Variants in ASTN2 observed in about 807,000 individuals in gnomAD.
ASTN2 encodes the protein astrotactin-2.
A neutral mutation model predicts 139.8 loss-of-function variants in ASTN2; 54 were observed. That is an observed-to-expected ratio of 0.39 (90% CI 0.31 to 0.48). The LOEUF (loss-of-function observed/expected upper bound fraction) is 0.48. ASTN2 is among the 20% of genes least tolerant of loss of function. ASTN2 has a pLI of 0.95. For missense variants in ASTN2, 1,565 were observed against 1,725.1 expected, an observed-to-expected ratio of 0.91 and a Z score of 1.64; for synonymous variants, 756 against 719.5, an observed-to-expected ratio of 1.05 and a Z score of -0.81.
In ASTN2 at chr9:117,120,018, G is replaced by GTGTGTA. The variant is rs1306397698; in HGVS notation, c.1168+21307_1168+21308insTACACA. ...TGTGTGTGTGTGTGTGTGTGTGTGT[G>GTGTGTA]TATATATATATATATATATATATAT... On this transcript the variant is annotated intron_variant, in intron 4 of 22. Transcript: ENST00000313400. Among the ~76,000 whole-genome samples the GTGTGTA allele has an allele frequency of 8.4e-3, 386 of 45,924 alleles. 3 individuals carry two copies. The highest frequency in any genetic ancestry group is 0.02 in the Middle Eastern group (1 of 50). 30.1% of individuals were successfully genotyped at this position (45,924 alleles called of 152,430 possible).
At chr9:116,519,645 G>T (rs2119226061) in intron 19 of ASTN2, among the ~76,000 whole-genome samples, 1 of 151,964 alleles carries the variant, frequency 6.6e-6, no homozygotes, top group South Asian at 2.1e-4. Context: ...CAGAAGAAAA[G>T]AAATAACGAA....
intron 19 of ASTN2, among the ~76,000 whole-genome samples, chr9:116,529,936 G>A (rs1164802625): frequency 1.3e-5 from 2 of 151,514 alleles, no homozygotes; most frequent in Admixed American, 1.3e-4. Flanking sequence ...GTTCTTTATA[G>A]CAGTGTGTAA....
intron 10 of ASTN2, among the ~76,000 whole-genome samples, chr9:116,869,170 G>T (rs1833090730): frequency 6.6e-6 from 1 of 152,040 alleles, no homozygotes; most frequent in Non-Finnish European, 1.5e-5. Context: ...GGGCAACAGA[G>T]CAAGACTCCT....
At chr9:116,563,434 T>C (rs1853027319) in intron 19 of ASTN2, among the ~76,000 whole-genome samples, 1 of 151,938 alleles carries the variant, frequency 6.6e-6, no homozygotes, top group Non-Finnish European at 1.5e-5. Context: ...CCCAACAGAA[T>C]AGCAAGGAAA....
At chr9:116,754,058 G>A (rs574530429) in intron 13 of ASTN2, among the ~76,000 whole-genome samples, 6 of 146,668 alleles carry the variant, frequency 4.1e-5, no homozygotes, top group South Asian at 2.2e-4. Flanking sequence ...GAGAACACGC[G>A]GTGTTTGGTT....
intron 16 of ASTN2, among the ~76,000 whole-genome samples, chr9:116,703,677 GTAAC>G (rs749602165): frequency 1.3e-5 from 2 of 150,628 alleles, no homozygotes; most frequent in Admixed American, 6.6e-5. Flanking sequence ...GTATACGTAT[GTAAC>G]TAACCTGCAC....
chr9:117,293,551 C>T (rs1244430144), intron 1 of ASTN2, among the ~76,000 whole-genome samples: 1 of 152,078 alleles, frequency 6.6e-6, no homozygotes, highest in Admixed American at 6.6e-5. Context: ...GAGCACAGGC[C>T]CCAAAGGCCC....
At chr9:116,566,609 T>C (rs932533733) in intron 19 of ASTN2, among the ~76,000 whole-genome samples, 12 of 152,212 alleles carry the variant, frequency 7.9e-5, no homozygotes, top group African/African-American at 2.7e-4. Context: ...TGCAGCGGAA[T>C]TGATTCACCA....
At chr9:116,908,462 A>G (rs1283610900) in intron 10 of ASTN2, among the ~76,000 whole-genome samples, 1 of 152,214 alleles carries the variant, frequency 6.6e-6, no homozygotes, top group African/African-American at 2.4e-5. Context: ...GGAGGCTATC[A>G]TTTCCAACCT....
chr9:117,117,346 G>A (rs1829420551), intron 4 of ASTN2, among the ~76,000 whole-genome samples: 1 of 145,436 alleles, frequency 6.9e-6, no homozygotes, highest in African/African-American at 2.6e-5. Context: ...AGCTCTGGGA[G>A]ATGGGAAAAA....
chr9:117,056,394 C>G (rs1839065304), intron 5 of ASTN2, among the ~76,000 whole-genome samples: 1 of 152,128 alleles, frequency 6.6e-6, no homozygotes. Flanking sequence ...ATCTAGAAAA[C>G]ATTTCCCACA....
chr9:116,486,613 T>G (rs532827269), intron 20 of ASTN2, among the ~76,000 whole-genome samples: 1 of 152,192 alleles, frequency 6.6e-6, no homozygotes, highest in Admixed American at 6.5e-5. Flanking sequence ...ACAAGGGAGG[T>G]GAGCTATCAT....
intron 19 of ASTN2, among the ~76,000 whole-genome samples, chr9:116,617,674 G>T (rs1292317873): frequency 6.6e-6 from 1 of 152,146 alleles, no homozygotes; most frequent in African/African-American, 2.4e-5. Flanking sequence ...AAAAACAGAT[G>T]TCTAATTGAT....
intron 19 of ASTN2, chr9:116,551,070 A>G (rs1317864142): frequency 6.6e-6 from 1 of 152,220 alleles, no homozygotes; most frequent in Non-Finnish European, 1.5e-5. Context: ...TGGTTTCAAC[A>G]TCCCAGAGAG....
intron 1 of ASTN2, among the ~76,000 whole-genome samples, chr9:117,353,248 C>G (rs181755964): frequency 4.6e-4 from 70 of 152,238 alleles, no homozygotes; most frequent in African/African-American, 1.6e-3. Flanking sequence ...AGACCTCACT[C>G]TGGCTCCAAA....
intron 1 of ASTN2, among the ~76,000 whole-genome samples, chr9:117,333,770 C>G (rs544891149): frequency 3.1e-4 from 47 of 152,238 alleles, no homozygotes; most frequent in African/African-American, 1.1e-3. Context: ...TCCCAAAGTG[C>G]TAGGATTACA....
chr9:116,530,426 G>A (rs1377164261), intron 19 of ASTN2, among the ~76,000 whole-genome samples: 3 of 151,594 alleles, frequency 2.0e-5, no homozygotes, highest in Admixed American at 1.3e-4. Flanking sequence ...GTACATCATG[G>A]TGACTATACT....
chr9:117,194,179 GC>G (rs1288557691), intron 3 of ASTN2, among the ~76,000 whole-genome samples: 2 of 152,092 alleles, frequency 1.3e-5, no homozygotes. Context: ...CCTCATGTGG[GC>G]CTTGCCTGGC....
At chr9:117,103,100 T>A (rs548122874) in intron 4 of ASTN2, among the ~76,000 whole-genome samples, 7 of 152,292 alleles carry the variant, frequency 4.6e-5, no homozygotes, top group African/African-American at 1.4e-4. Context: ...CATGTTCACC[T>A]AAAATCATCA....
Sources: allele counts gnomAD v4.1 joint callset (sites outside exome capture counted in the v4.1 genomes callset), GRCh38; gene constraint gnomAD v4.1.1; transcripts MANE v1.5; gene names NCBI Gene and HGNC (gene_info 2026-07-23, HGNC 2026-07-21).